DCAKD: variants seen among roughly 807,000 people sequenced by gnomAD.
DCAKD encodes dephospho-CoA kinase domain-containing protein.
A neutral mutation model predicts 18.7 loss-of-function variants in DCAKD; 15 were observed. That is an observed-to-expected ratio of 0.80 (90% CI 0.54 to 1.24). The LOEUF (loss-of-function observed/expected upper bound fraction) is 1.24. Among genes scored for constraint, DCAKD ranks in the 50% most tolerant of loss-of-function variants. The probability of loss-of-function intolerance (pLI) is 0.00; values close to 1 mark genes in which losing one functional copy is unlikely to be tolerated. For missense variants in DCAKD, 301 were observed against 322.0 expected (o/e 0.93, Z 0.50); for synonymous variants, 130 against 133.0 (o/e 0.98, Z 0.16).
chr17:45,034,475 G>A, intron 2 of DCAKD, 85 bp from the exon 3 acceptor site: 3 of 1,472,634 alleles, frequency 2.0e-6, no homozygotes, highest in Middle Eastern at 1.8e-4. Context: ...AAAATGATGG[G>A]GGAACTCGGG....
intron 4 of DCAKD, 85 bp from the exon 5 acceptor site, chr17:45,024,809 C>A: frequency 1.4e-6 from 2 of 1,465,502 alleles, no homozygotes; most frequent in South Asian, 2.7e-5. Context: ...CAGGCCCAGC[C>A]TGAAACAGAG....
chr17:45,030,329 C>T lies in DCAKD; in HGVS notation c.317-150G>A, dbSNP rs575553834. The T allele has an allele frequency of 1.0e-4, 71 of 682,496 alleles. No homozygotes were observed. The African/African-American group carries it at 1.2e-3, about 11-fold the overall frequency. The allele number at this position is 682,496 out of a possible 1,614,324, so 42.3% of individuals were successfully genotyped here. A position where few individuals can be genotyped will look rare whatever the true frequency, so the allele number is the denominator to read the frequency against. On this transcript the variant is annotated intron_variant, in intron 3 of 4. Transcript: ENST00000651974. ...CCTGCACACTGGCCGGTTCCAATGC[C>T]GTGCAGAACAGAAGGCTGCAGAAAA...
rs200725590 is a variant in DCAKD at position 45,024,697 on chromosome 17, C to T, written c.432G>A (p.Leu144=). ...TGCGGTTCAGGCTGTTCCGCCGCAT[C>T]AGCCGTGCCAGCTGTGTGTCCCGGT... is the stretch of plus-strand genomic sequence containing the variant. ...YCDRDTQLAR[L]MRRNSLNRKD... The change falls in exon 5 of 5, where the codon CTG becomes CTA. Residue 144 remains leucine (L), a synonymous_variant. Transcript: ENST00000651974. 76 of 1,589,322 alleles carry T rather than the reference C, an allele frequency of 4.8e-5. No homozygotes were observed. Among genetic ancestry groups the T allele is most frequent in the Non-Finnish European group, 6.5e-5 (75 of 1,162,716 alleles).
At chr17:45,048,922 G>GAA (rs968139160) in intron 1 of DCAKD, among the ~76,000 whole-genome samples, 1 of 149,262 alleles carries the variant, frequency 6.7e-6, no homozygotes, top group Non-Finnish European at 1.5e-5. Flanking sequence ...CTTTCATTTG[G>GAA]AAAAAAAAAA....
intron 1 of DCAKD, among the ~76,000 whole-genome samples, chr17:45,048,442 T>C (rs1040456695): frequency 6.6e-6 from 1 of 152,036 alleles, no homozygotes; most frequent in Admixed American, 6.6e-5. Context: ...GTTTGAGACC[T>C]GCCTGGCCAA....
intron 3 of DCAKD, chr17:45,031,678 T>C: frequency 1.0e-6 from 1 of 985,438 alleles, no homozygotes; most frequent in Non-Finnish European, 1.2e-6. Context: ...CTCCCCTTGC[T>C]GTCCTTTCTC....
intron 4 of DCAKD, chr17:45,026,574 A>G: frequency 2.0e-6 from 2 of 976,462 alleles, no homozygotes; most frequent in Non-Finnish European, 2.4e-6. Context: ...TGTTGCCTAC[A>G]CTGGTCTCAA....
chr17:45,035,353 C>T (rs1275754874), intron 1 of DCAKD, among the ~76,000 whole-genome samples: 1 of 151,842 alleles, frequency 6.6e-6, no homozygotes, highest in Non-Finnish European at 1.5e-5. Flanking sequence ...TGGTGGCGTG[C>T]ACCTAGAATT....
chr17:45,028,305 T>C (rs1215220463), intron 4 of DCAKD, among the ~76,000 whole-genome samples: 5 of 151,248 alleles, frequency 3.3e-5, no homozygotes, highest in Non-Finnish European at 5.9e-5. Flanking sequence ...AGAGACAGGG[T>C]TTAACCGTGT....
chr17:45,029,491 C>A (rs1269847982), intron 4 of DCAKD, among the ~76,000 whole-genome samples: 31 of 152,214 alleles, frequency 2.0e-4, no homozygotes, highest in Admixed American at 2.0e-3. Context: ...CCCACTGGGA[C>A]AGGGACTCAT....
At chr17:45,059,264 G>A (rs1303568507) in intron 1 of DCAKD, among the ~76,000 whole-genome samples, 3 of 152,002 alleles carry the variant, frequency 2.0e-5, no homozygotes, top group Non-Finnish European at 4.4e-5. Context: ...AAAAAAGAAA[G>A]AAAGAGTTGA....
intron 1 of DCAKD, among the ~76,000 whole-genome samples, chr17:45,045,164 G>A (rs1432131311): frequency 1.3e-5 from 2 of 152,094 alleles, no homozygotes; most frequent in African/African-American, 4.8e-5. Context: ...ACCCAGTTTG[G>A]ATTCAACCCT....
chr17:45,043,584 A>G (rs1457585723), intron 1 of DCAKD, among the ~76,000 whole-genome samples: 1 of 152,188 alleles, frequency 6.6e-6, no homozygotes, highest in Non-Finnish European at 1.5e-5. Context: ...AAGAGCCAGA[A>G]AATTAGCTTA....
Position 45,034,363 on chromosome 17 carries a change from C to T in DCAKD, c.140G>A (p.Arg47Gln), listed in dbSNP as rs141495277. The T allele has an allele frequency of 2.7e-5, 44 of 1,613,792 alleles. No individual in the cohort carries two copies. Among genetic ancestry groups the T allele is most frequent in the Middle Eastern group, 1.6e-4 (1 of 6,082 alleles). ...AGTGCCGAAGACCTCTACGATGCGC[C>T]GGTGGGCAGGGTATCCTGGCTGCAC... is the stretch of plus-strand genomic sequence containing the variant. ...HVVQPGYPAH[R>Q]RIVEVFGTEV... is the part of the protein sequence containing the mutation. Residue 47 changes from arginine (R) to glutamine (Q), a missense_variant, in exon 3 of 5, where the codon CGG (arginine) becomes CAG (glutamine). Physicochemically the swap from Arg to Gln is conservative, Grantham distance 43. Transcript: ENST00000651974.
At chr17:45,040,919 GGTCT>G (rs1451116640) in intron 1 of DCAKD, among the ~76,000 whole-genome samples, 2 of 152,084 alleles carry the variant, frequency 1.3e-5, no homozygotes, top group African/African-American at 2.4e-5. Context: ...TTCAGAGAAT[GGTCT>G]GTCTTAGAAT....
upstream of DCAKD, among the ~76,000 whole-genome samples, chr17:45,054,792 T>C (rs1274758474): frequency 6.6e-6 from 1 of 152,222 alleles, no homozygotes. Context: ...CCAGTAATCA[T>C]GGCTGGCCAA....
intron 1 of DCAKD, among the ~76,000 whole-genome samples, chr17:45,050,027 A>G (rs28497626): frequency 0.14 from 16,074 of 113,150 alleles, 935 homozygotes; most frequent in Admixed American, 0.21. Flanking sequence ...TCGGCCTCCC[A>G]GCAGGTAATT....
rs1180056946 is a variant in DCAKD at position 45,026,218 on chromosome 17, C to CTT, written c.405-1496_405-1495dup. The stretch of plus-strand genomic sequence containing the variant: ...ACAGGCATAAGCCACCGCGCCTGGA[C>CTT]TTTTTTTTTTTTTTTTTTTCTTTTT... On this transcript the variant is annotated intron_variant, in intron 4 of 4. Coordinates refer to ENST00000651974, the MANE Select transcript of DCAKD (RefSeq NM_001288655.2). Among the ~76,000 whole-genome samples, 306 of 109,156 alleles carry CTT rather than the reference C, an allele frequency of 2.8e-3. 1 individual carries two copies. The highest frequency in any genetic ancestry group is 3.3e-3 in the Admixed American group (34 of 10,332). The allele number at this position is 109,156 out of a possible 152,430, so 71.6% of individuals were successfully genotyped here.
intron 1 of DCAKD, among the ~76,000 whole-genome samples, chr17:45,046,271 G>T (rs547268785): frequency 6.6e-6 from 1 of 152,288 alleles, no homozygotes; most frequent in South Asian, 2.1e-4. Context: ...CCAGCAGGCG[G>T]AACTAGAGTG....
Sources: allele counts gnomAD v4.1 joint callset (sites outside exome capture counted in the v4.1 genomes callset), GRCh38; gene constraint gnomAD v4.1.1; transcripts MANE v1.5; gene names NCBI Gene and HGNC (gene_info 2026-07-23, HGNC 2026-07-21).